Variants in RBFOX1 observed in about 807,000 individuals in gnomAD.
The protein encoded by RBFOX1 is RNA binding protein fox-1 homolog 1.
RBFOX1 carries 8 observed loss-of-function variants against 57.7 expected under a neutral mutation model. The observed-to-expected ratio is 0.14, with a 90% CI of 0.08 to 0.25. The LOEUF is 0.25. Among genes scored for constraint, RBFOX1 ranks in the 10% least tolerant of loss-of-function variants. RBFOX1 has a pLI of 1.00. For synonymous variants in RBFOX1, 326 were observed against 222.4 expected, an observed-to-expected ratio of 1.47 and a Z score of -4.15; for missense variants, 611 against 548.5, an observed-to-expected ratio of 1.11 and a Z score of -1.14.
chr16:5,445,456 C>T (rs2068213030), intron 1 of RBFOX1, among the ~76,000 whole-genome samples: 1 of 152,004 alleles, frequency 6.6e-6, no homozygotes, highest in African/African-American at 2.4e-5. Context: ...TTATAGTGTG[C>T]AATATATAGT....
chr16:6,907,126 T>C (rs994440389), intron 3 of RBFOX1, among the ~76,000 whole-genome samples: 6 of 152,212 alleles, frequency 3.9e-5, no homozygotes, highest in Non-Finnish European at 8.8e-5. Flanking sequence ...CAGTAGGCAT[T>C]TCACAATATC....
At chr16:6,846,169 C>A (rs572718778) in intron 3 of RBFOX1, among the ~76,000 whole-genome samples, 3 of 152,270 alleles carry the variant, frequency 2.0e-5, no homozygotes, top group Admixed American at 1.3e-4. Flanking sequence ...TACACGGTGG[C>A]CCATCCAATA....
At chr16:5,245,785 TG>T (rs138151363) in intron 1 of RBFOX1, among the ~76,000 whole-genome samples, 44,365 of 152,118 alleles carry the variant, frequency 0.29, 6,956 homozygotes, top group South Asian at 0.42. Context: ...TACTATACAT[TG>T]GAAAAGTCAA....
At chr16:6,791,403 C>G (rs771897919) in intron 3 of RBFOX1, among the ~76,000 whole-genome samples, 35 of 152,100 alleles carry the variant, frequency 2.3e-4, no homozygotes, top group Non-Finnish European at 4.7e-4. Flanking sequence ...AGGTGCAGCC[C>G]TGTGAAAATG....
chr16:6,834,759 A>G (rs2092962946), intron 3 of RBFOX1, among the ~76,000 whole-genome samples: 1 of 152,096 alleles, frequency 6.6e-6, no homozygotes, highest in East Asian at 1.9e-4. Flanking sequence ...AGACAGTTGC[A>G]TTTACTCAGG....
intron 3 of RBFOX1, among the ~76,000 whole-genome samples, chr16:6,999,478 A>T (rs1364450505): frequency 2.0e-5 from 3 of 151,624 alleles, no homozygotes; most frequent in East Asian, 1.9e-4. Flanking sequence ...TCTGTCACCC[A>T]GGCTGGAGCA....
chr16:7,674,831 C>T (rs1044643320), intron 13 of RBFOX1, among the ~76,000 whole-genome samples: 28 of 152,176 alleles, frequency 1.8e-4, no homozygotes, highest in African/African-American at 5.8e-4. Context: ...TTATCGGACT[C>T]GCTGCCTTCT....
At chr16:7,707,077 C>CTCAGAAGAGAGGCATCCCT (rs916517050) in intron 14 of RBFOX1, among the ~76,000 whole-genome samples, 3 of 152,126 alleles carry the variant, frequency 2.0e-5, no homozygotes, top group African/African-American at 7.2e-5. Context: ...ACAGATTCAC[C>CTCAGAAGAGAGGCATCCCT]TCAGAAGAGA....
At chr16:6,455,668 T>C (rs1024639614) in intron 2 of RBFOX1, among the ~76,000 whole-genome samples, 1 of 152,178 alleles carries the variant, frequency 6.6e-6, no homozygotes, top group African/African-American at 2.4e-5. Context: ...CATGAATATA[T>C]GACGACTTTT....
chr16:7,689,798 C>G (rs1417559922), intron 14 of RBFOX1, among the ~76,000 whole-genome samples: 1 of 152,152 alleles, frequency 6.6e-6, no homozygotes, highest in African/African-American at 2.4e-5. Flanking sequence ...TAAGGAAGAA[C>G]TCAAATACCA....
chr16:7,056,547 C>A (rs1398159439), intron 4 of RBFOX1, among the ~76,000 whole-genome samples: 1 of 152,116 alleles, frequency 6.6e-6, no homozygotes, highest in Non-Finnish European at 1.5e-5. Flanking sequence ...AGCATCTGCA[C>A]CAACAGATGG....
intron 3 of RBFOX1, among the ~76,000 whole-genome samples, chr16:5,793,152 C>T (rs1455947714): frequency 3.9e-5 from 6 of 152,290 alleles, no homozygotes; most frequent in East Asian, 1.9e-4. Flanking sequence ...TTCTCTCTGG[C>T]TGGTCTCACT....
At chr16:7,297,089 A>G (rs1361922064) in intron 4 of RBFOX1, among the ~76,000 whole-genome samples, 6 of 152,158 alleles carry the variant, frequency 3.9e-5, no homozygotes, top group Admixed American at 1.3e-4. Context: ...GAGGAGAGAC[A>G]AGGCTCAAGG....
At chr16:6,169,667 A>G (rs764042437) in intron 1 of RBFOX1, among the ~76,000 whole-genome samples, 5 of 152,226 alleles carry the variant, frequency 3.3e-5, no homozygotes, top group Non-Finnish European at 7.3e-5. Flanking sequence ...TAATTTGAAC[A>G]TAGTTTCAAC....
At chr16:7,413,404 G>T (rs2098448466) in intron 4 of RBFOX1, among the ~76,000 whole-genome samples, 1 of 151,888 alleles carries the variant, frequency 6.6e-6, no homozygotes, top group African/African-American at 2.4e-5. Context: ...GTCCAGCCTT[G>T]ACCCCCAGAG....
intron 1 of RBFOX1, among the ~76,000 whole-genome samples, chr16:6,191,661 A>C (rs531410537): frequency 6.6e-6 from 1 of 152,210 alleles, no homozygotes; most frequent in African/African-American, 2.4e-5. Flanking sequence ...TGCATGGTCC[A>C]AAAGGCAATT....
intron 4 of RBFOX1, among the ~76,000 whole-genome samples, chr16:7,449,710 A>G (rs1333864565): frequency 9.1e-6 from 1 of 109,674 alleles, no homozygotes; most frequent in African/African-American, 3.7e-5. Context: ...AAAAAGAAAC[A>G]TGTATGTGTG....
rs137956547 is a variant in RBFOX1 at position 7,366,553 on chromosome 16, G to A, written c.28-151594G>A. Among the ~76,000 whole-genome samples, 445 of 152,276 alleles carry A rather than the reference G, an allele frequency of 2.9e-3. 1 individual carries two copies. The highest frequency in any genetic ancestry group is 5.6e-3 in the Non-Finnish European group (379 of 68,014). On this transcript the variant is annotated intron_variant, in intron 4 of 15. Transcript: ENST00000550418. ...GTCCTTCCTCCCTGGTCCAACCATG[G>A]AGGCTGCCTTAGTCGGCTTGTGTCC...
At chr16:6,150,382 C>G (rs553646660) in intron 1 of RBFOX1, among the ~76,000 whole-genome samples, 53 of 152,070 alleles carry the variant, frequency 3.5e-4, no homozygotes, top group African/African-American at 8.2e-4. Context: ...TTGTGAGGAT[C>G]TATCTCAAGG....
Sources: gnomAD v4.1 joint callset for allele counts (sites outside exome capture counted in the v4.1 genomes callset) on GRCh38, gnomAD v4.1.1 for gene constraint, MANE v1.5 for transcripts, NCBI Gene and HGNC (gene_info 2026-07-23, HGNC 2026-07-21) for gene names.